The following URB1 variants were observed in gnomAD, a reference collection of about 807,000 sequenced individuals.
URB1 encodes the protein URB1 ribosome biogenesis factor, also known as nucleolar pre-ribosomal-associated protein 1.
A neutral mutation model predicts 242.3 loss-of-function variants in URB1; 197 were observed. That is an observed-to-expected ratio of 0.81 (90% CI 0.72 to 0.91). URB1 has a LOEUF of 0.91. Among genes scored for constraint, URB1 ranks in the 40% least tolerant of loss-of-function variants. The pLI is 0.00. For missense variants in URB1, 2,721 were observed against 2,860.5 expected, an observed-to-expected ratio of 0.95 and a Z score of 1.11; for synonymous variants, 1,153 against 1,201.8, an observed-to-expected ratio of 0.96 and a Z score of 0.84.
chr21:32,388,782 T>C (rs750583238), intron 1 of URB1, among the ~76,000 whole-genome samples: 22 of 152,226 alleles, frequency 1.4e-4, no homozygotes, highest in South Asian at 4.1e-4. Context: ...CGTCAAACTC[T>C]AGCATGTAAC....
intron 8 of URB1, among the ~76,000 whole-genome samples, chr21:32,370,415 T>C (rs1216341116): frequency 1.3e-5 from 2 of 152,138 alleles, no homozygotes; most frequent in Non-Finnish European, 2.9e-5. Flanking sequence ...TACTGTCAAA[T>C]GAAAAGGATA....
chr21:32,381,802 C>T (rs2033530069), intron 4 of URB1, among the ~76,000 whole-genome samples: 1 of 152,108 alleles, frequency 6.6e-6, no homozygotes, highest in Admixed American at 6.5e-5. Context: ...ATCGACTGCC[C>T]CAGAGGAAAC....
Position 32,385,657 on chromosome 21 carries a change from T to C in URB1, c.170A>G (p.Lys57Arg), listed in dbSNP as rs1288792132. The C allele has an allele frequency of 2.6e-6, 4 of 1,551,606 alleles. No homozygotes were observed. The highest frequency in any genetic ancestry group is 2.7e-5 in the African/African-American group (2 of 73,034). The change falls in exon 2 of 39, where the codon AAG becomes AGG. Residue 57 changes from lysine (K) to arginine (R), a missense_variant. By Grantham distance (26) the Lys-to-Arg change is conservative. Transcript: ENST00000382751. ...PGLEAFVSAA[K>R]KLPREDVYDV... ...ATACACATCTTCTCGTGGTAGCTTCTTGGCAGCAGACACAAACGCTTCCAA... is the reference window on the plus strand; with the variant it reads ...ATACACATCTTCTCGTGGTAGCTTCCTGGCAGCAGACACAAACGCTTCCAA...
chr21:32,325,060 C>T (rs1487250438), intron 31 of URB1, among the ~76,000 whole-genome samples, 169 bp downstream of exon 31: 1 of 152,174 alleles, frequency 6.6e-6, no homozygotes, highest in Non-Finnish European at 1.5e-5. Flanking sequence ...AGGCGACCTC[C>T]GGGATCACCT....
At position 32,311,780 on chromosome 21, in the gene URB1, G is replaced by C. The variant is rs769302607; in HGVS notation, c.*3138C>G. Reference sequence around the variant, plus strand: ...GCCTGCCGTGCCACAGGGAACCCCTGGCAACCTCACAGGCTCAGGCGAGCT... The same window carrying C: ...GCCTGCCGTGCCACAGGGAACCCCTCGCAACCTCACAGGCTCAGGCGAGCT... On this transcript the variant is annotated 3_prime_UTR_variant, in exon 39 of 39. Transcript: ENST00000382751. 6.2e-7 allele frequency: 1 copy of C among 1,614,138 alleles called. No individual in the cohort carries two copies. The highest frequency in any genetic ancestry group is 8.5e-7 in the Non-Finnish European group (1 of 1,180,036).
At position 32,357,436 on chromosome 21, in the gene URB1, C is replaced by T. The variant is rs2033234959; in HGVS notation, c.1989+101G>A. On this transcript the variant is annotated intron_variant, in intron 15 of 38. Coordinates refer to ENST00000382751, the MANE Select transcript of URB1 (RefSeq NM_014825.3). Reference sequence around the variant, plus strand: ...TTCTATTTTAAAACTAAAAACAATTCCAATACCTCCTGAATTCAATAACTG... The same window carrying T: ...TTCTATTTTAAAACTAAAAACAATTTCAATACCTCCTGAATTCAATAACTG... 4.2e-6 allele frequency: 5 copies of T among 1,203,462 alleles called. No individual in the cohort carries two copies. The African/African-American group carries it at 8.0e-5, about 19-fold the overall frequency. The allele number at this position is 1,203,462 out of a possible 1,614,324, so 74.5% of individuals were successfully genotyped here. A position where few individuals can be genotyped will look rare whatever the true frequency, so the allele number is the denominator to read the frequency against.
chr21:32,333,182 G>C (rs887552360), intron 30 of URB1, 135 bp downstream of exon 30: 2 of 765,396 alleles, frequency 2.6e-6, no homozygotes, highest in Non-Finnish European at 4.5e-6. Context: ...AGATGAGGAT[G>C]GCTGAAGATC....
chr21:32,345,556 A>G lies in URB1; in HGVS notation c.3888T>C (p.Pro1296=). The change falls in exon 23 of 39, where the codon CCT becomes CCC. Residue 1296 remains proline, a synonymous_variant. Coordinates refer to ENST00000382751, the MANE Select transcript of URB1 (RefSeq NM_014825.3). ...RPAGVSSAVI[P]VLRKTLWRQL... Reference sequence around the variant, plus strand: ...GCCTCCACAGGGTCTTCCTCAAGACAGGAATGACAGCGGAAGACACTAGGG... The same window carrying G: ...GCCTCCACAGGGTCTTCCTCAAGACGGGAATGACAGCGGAAGACACTAGGG... The G allele has an allele frequency of 6.5e-7, 1 of 1,544,592 alleles. No homozygotes were observed. Among genetic ancestry groups the G allele is most frequent in the Non-Finnish European group, 8.8e-7 (1 of 1,141,156 alleles).
At chr21:32,385,455 A>G (rs1376784406) in intron 2 of URB1, 90 bp downstream of exon 2, 7 of 1,463,336 alleles carry the variant, frequency 4.8e-6, no homozygotes, top group Non-Finnish European at 6.4e-6. Context: ...AAAGTTGGTA[A>G]TGGAAATTTC....
chr21:32,383,074 A>G (rs1471712629), intron 4 of URB1, among the ~76,000 whole-genome samples: 2 of 152,192 alleles, frequency 1.3e-5, no homozygotes, highest in African/African-American at 4.8e-5. Flanking sequence ...GGCACACACT[A>G]CAAGCTTCAG....
rs1467277770 is a variant in URB1 at position 32,361,201 on chromosome 21, A to AAGAAAGAAAGAAAGAAAGAAAGAG, written c.1640-79_1640-78insCTCTTTCTTTCTTTCTTTCTTTCT. ...AAAGAAAGAAAGAAAGAAAGAAAGA[A>AAGAAAGAAAGAAAGAAAGAAAGAG]AGAAAATAGCTTGAATTAGAAAACA... On this transcript the variant is annotated intron_variant, in intron 12 of 38. Coordinates refer to ENST00000382751, the MANE Select transcript of URB1 (RefSeq NM_014825.3). 2.9e-5 allele frequency: 27 copies of AAGAAAGAAAGAAAGAAAGAAAGAG among 937,026 alleles called. No individual in the cohort carries two copies. In the African/African-American group the frequency reaches 4.4e-4, roughly 15 times the overall value. 58.0% of individuals were successfully genotyped at this position (937,026 alleles called of 1,614,324 possible).
chr21:32,360,403 T>C (rs2033270122), intron 13 of URB1, among the ~76,000 whole-genome samples: 1 of 152,212 alleles, frequency 6.6e-6, no homozygotes, highest in Admixed American at 6.5e-5. Flanking sequence ...AAAGAGAACT[T>C]TTCACCTTCA....
chr21:32,317,926 G>A lies in URB1; in HGVS notation c.5793-9C>T, dbSNP rs2032713538. ...CGGGGGCCAAGGTGGGCCTGTTTGG[G>A]AGTCAATGTTACAGACTGAGCAAAG... On this transcript the variant is annotated splice_polypyrimidine_tract_variant and intron_variant, in intron 36 of 38. Coordinates refer to ENST00000382751, the MANE Select transcript of URB1 (RefSeq NM_014825.3). 5 of 1,551,472 alleles carry A rather than the reference G, an allele frequency of 3.2e-6. No individual in the cohort carries two copies. In the East Asian group the frequency reaches 1.2e-4, roughly 38 times the overall value.
intron 9 of URB1, among the ~76,000 whole-genome samples, chr21:32,367,097 G>T (rs1023519995): frequency 1.3e-5 from 2 of 152,210 alleles, no homozygotes; most frequent in African/African-American, 4.8e-5. Flanking sequence ...CCTGACAAAT[G>T]ATGTCAGGAA....
Position 32,366,717 on chromosome 21 carries a change from C to G in URB1, c.1236G>C (p.Gln412His). ...EAQPEISRAF[Q>H]TREFIPLPRL... ...GAGGCAAGGGTATAAACTCTCTGGT[C>G]TGAAATGCCCGGGAAATCTCCGGCT... is the stretch of plus-strand genomic sequence containing the variant. The change falls in exon 10 of 39, where the codon CAG becomes CAC. Residue 412 changes from glutamine to histidine, a missense_variant. Coordinates refer to ENST00000382751, the MANE Select transcript of URB1 (RefSeq NM_014825.3). The G allele has an allele frequency of 6.4e-7, 1 of 1,551,486 alleles. No homozygotes were observed. Among genetic ancestry groups the G allele is most frequent in the Non-Finnish European group, 8.7e-7 (1 of 1,146,890 alleles).
At position 32,312,254 on chromosome 21, in the gene URB1, A is replaced by G; in HGVS notation, c.*2664T>C. ...TACTGCTTATATTTGCTCAGGGAAG[A>G]GTAGGAAAATAAAATATATGCAAAT... On this transcript the variant is annotated 3_prime_UTR_variant, in exon 39 of 39. Transcript: ENST00000382751. 1 of 1,413,512 alleles carries G rather than the reference A, an allele frequency of 7.1e-7. No individual in the cohort carries two copies. Among genetic ancestry groups the G allele is most frequent in the South Asian group, 1.5e-5 (1 of 66,240 alleles). 87.6% of individuals were successfully genotyped at this position (1,413,512 alleles called of 1,614,324 possible).
intron 14 of URB1, among the ~76,000 whole-genome samples, chr21:32,359,365 T>G (rs368693710): frequency 5.9e-5 from 9 of 152,156 alleles, no homozygotes; most frequent in African/African-American, 2.2e-4. Flanking sequence ...TAGAAAAAAA[T>G]GCTGGCAATG....
intron 6 of URB1, 74 bp from the exon 7 acceptor site, chr21:32,373,846 T>C (rs946035356): frequency 7.7e-7 from 1 of 1,290,944 alleles, no homozygotes; most frequent in African/African-American, 1.5e-5. Context: ...ATTTTTTAAA[T>C]GGTGCTTACT....
rs1397945088 is a variant in URB1 at position 32,347,014 on chromosome 21, G to A, written c.3810C>T (p.Pro1270=). 4 of 1,547,328 alleles carry A rather than the reference G, an allele frequency of 2.6e-6. No homozygotes were observed. In the South Asian group the frequency reaches 4.8e-5, roughly 18 times the overall value. Reference sequence around the variant, plus strand: ...TGCACTGGAGGTACACATGGATGAGGGGAAGGAAGTCGTCCAGGTCCCCCT... The same window carrying A: ...TGCACTGGAGGTACACATGGATGAGAGGAAGGAAGTCGTCCAGGTCCCCCT... The part of the protein sequence containing the change: ...GLQGDLDDFL[P]LIHVYLQCRT... Residue 1270 remains proline (P), a synonymous_variant, in exon 22 of 39, where the codon CCC becomes CCT. Transcript: ENST00000382751.
Sources: gnomAD v4.1 joint callset for allele counts (sites outside exome capture counted in the v4.1 genomes callset) on GRCh38, gnomAD v4.1.1 for gene constraint, MANE v1.5 for transcripts, NCBI Gene and HGNC (gene_info 2026-07-23, HGNC 2026-07-21) for gene names.